CRYBG3: variants seen among roughly 807,000 people sequenced by gnomAD.
CRYBG3 encodes very large A-kinase anchor protein.
CRYBG3 carries 127 observed loss-of-function variants against 244.2 expected under a neutral mutation model. That is an observed-to-expected ratio of 0.52 (90% CI 0.45 to 0.60). The LOEUF (loss-of-function observed/expected upper bound fraction) is 0.60. CRYBG3 is among the 20% of genes least tolerant of loss of function. The pLI, the probability that CRYBG3 is intolerant of heterozygous loss-of-function variation, is 0.00. For synonymous variants in CRYBG3, 1,132 were observed against 1,195.8 expected, an observed-to-expected ratio of 0.95 and a Z score of 1.10; for missense variants, 3,325 against 3,442.5, an observed-to-expected ratio of 0.97 and a Z score of 0.85.
chr3:97,940,952 G>C (rs950789253), intron 19 of CRYBG3, among the ~76,000 whole-genome samples, 196 bp from the exon 20 acceptor site: 17 of 151,866 alleles, frequency 1.1e-4, no homozygotes, highest in Non-Finnish European at 1.9e-4. Context: ...AATAGAGACT[G>C]TACAATTTAA....
chr3:97,903,847 A>G (rs1165079176), intron 15 of CRYBG3, among the ~76,000 whole-genome samples: 1 of 152,208 alleles, frequency 6.6e-6, no homozygotes, highest in Non-Finnish European at 1.5e-5. Context: ...AAGAAATACA[A>G]TAATACATGT....
chr3:97,875,226 G>C lies in CRYBG3; in HGVS notation c.4032G>C (p.Leu1344=). The stretch of plus-strand genomic sequence containing the variant: ...TTCAGGCTAATACTTCAAAAATTCT[G>C]AACAGTGATAGTGTTAAGCCACATG... ...SELQANTSKI[L]NSDSVKPHDV... is the part of the protein sequence containing the mutation. The change falls in exon 4 of 22, where the codon CTG becomes CTC. Residue 1344 remains leucine, a synonymous_variant. Transcript: ENST00000389622. 1 of 1,531,052 alleles carries C rather than the reference G, an allele frequency of 6.5e-7. No homozygotes were observed. The highest frequency in any genetic ancestry group is 8.7e-7 in the Non-Finnish European group (1 of 1,145,098). 94.8% of individuals were successfully genotyped at this position (1,531,052 alleles called of 1,614,324 possible).
At chr3:97,878,116 A>C (rs2039404724) in intron 4 of CRYBG3, 79 bp downstream of exon 4, 1 of 1,341,976 alleles carries the variant, frequency 7.5e-7, no homozygotes, top group South Asian at 1.5e-5. Flanking sequence ...TTATTAAGAA[A>C]AGTCAATGTT....
Position 97,943,586 on chromosome 3 carries a change from G to C in CRYBG3, c.*272G>C, listed in dbSNP as rs2040283576. 2 of 379,442 alleles carry C rather than the reference G, an allele frequency of 5.3e-6. No individual in the cohort carries two copies. Among genetic ancestry groups the C allele is most frequent in the African/African-American group, 4.3e-5 (2 of 46,052 alleles). 23.5% of individuals were successfully genotyped at this position (379,442 alleles called of 1,614,324 possible). A position where few individuals can be genotyped will look rare whatever the true frequency, so the allele number is the denominator to read the frequency against. ...TCCAGCTGTGGTGAGCAAGTTTCCT[G>C]AAGTGTTTATTTTCTCTCATATCCA... On this transcript the variant is annotated 3_prime_UTR_variant, in exon 22 of 22. Transcript: ENST00000389622.
At chr3:97,860,931 T>A (rs1243664656) in intron 2 of CRYBG3, among the ~76,000 whole-genome samples, 2 of 152,126 alleles carry the variant, frequency 1.3e-5, no homozygotes, top group African/African-American at 4.8e-5. Flanking sequence ...AACTTTTGTA[T>A]CACAAGGGAC....
At chr3:97,915,765 A>G in intron 17 of CRYBG3, 29 bp downstream of exon 17, 1 of 1,554,450 alleles carries the variant, frequency 6.4e-7, no homozygotes, top group Non-Finnish European at 8.8e-7. Context: ...GCATACTTAT[A>G]AGATTCTTTT....
At chr3:97,909,237 C>T (rs1178248675) in intron 15 of CRYBG3, among the ~76,000 whole-genome samples, 3 of 147,508 alleles carry the variant, frequency 2.0e-5, no homozygotes, top group Non-Finnish European at 3.0e-5. Context: ...TGGAGTTGCT[C>T]TTCTCAAGGA....
At chr3:97,824,201 T>C (rs2038548845) in intron 1 of CRYBG3, among the ~76,000 whole-genome samples, 1 of 152,198 alleles carries the variant, frequency 6.6e-6, no homozygotes, top group Non-Finnish European at 1.5e-5. Flanking sequence ...GGAACCGCTT[T>C]ATAGTACTGA....
Position 97,943,476 on chromosome 3 carries a change from G to A in CRYBG3, c.*162G>A. ...CTCTGAGACTATCGCTCTTAACCATGGAAAAGCTCAAAATATTCTTGCCAT... is the reference window on the plus strand; with the variant it reads ...CTCTGAGACTATCGCTCTTAACCATAGAAAAGCTCAAAATATTCTTGCCAT... On this transcript the variant is annotated 3_prime_UTR_variant, in exon 22 of 22. Transcript: ENST00000389622. 1.7e-6 allele frequency: 1 copy of A among 577,458 alleles called. No homozygotes were observed. Among genetic ancestry groups the A allele is most frequent in the South Asian group, 2.2e-5 (1 of 46,200 alleles). 35.8% of individuals were successfully genotyped at this position (577,458 alleles called of 1,614,324 possible). A position where few individuals can be genotyped will look rare whatever the true frequency, so the allele number is the denominator to read the frequency against.
chr3:97,874,591 A>G lies in CRYBG3; in HGVS notation c.3397A>G (p.Thr1133Ala). The change falls in exon 4 of 22, where the codon ACT (threonine) becomes GCT (alanine). Residue 1133 changes from threonine (T) to alanine (A), a missense_variant. By Grantham distance (58) the Thr-to-Ala change is moderately conservative (BLOSUM62 0). Around this residue, in one of 4 missense-constraint regions of CRYBG3, gnomAD observed 1,526 missense variants for 1,443.2 expected, o/e 1.06. Coordinates refer to ENST00000389622, the MANE Select transcript of CRYBG3 (RefSeq NM_153605.4). ...ATTTCAGGAACATTTTGGGATTTAT[A>G]CTGGGAAGATATCCATTGATTTCCC... ...TPFQEHFGIYTGKISIDFPTA... is the reference protein window; with the variant it reads ...TPFQEHFGIYAGKISIDFPTA... 4 of 1,536,072 alleles carry G rather than the reference A, an allele frequency of 2.6e-6. No individual in the cohort carries two copies. The highest frequency in any genetic ancestry group is 1.7e-6 in the Non-Finnish European group (2 of 1,146,862).
chr3:97,853,399 C>CACA (rs1285903543), intron 2 of CRYBG3, among the ~76,000 whole-genome samples: 8 of 115,476 alleles, frequency 6.9e-5, no homozygotes, highest in Non-Finnish European at 1.1e-4. Context: ...CACACACACA[C>CACA]ATACAATACA....
intron 10 of CRYBG3, among the ~76,000 whole-genome samples, chr3:97,891,607 G>T (rs901155543): frequency 2.7e-4 from 41 of 152,250 alleles, no homozygotes; most frequent in Admixed American, 2.2e-3. Flanking sequence ...AGAACTGAGG[G>T]TCTTGCAAAT....
In CRYBG3 at chr3:97,875,739, A is replaced by G. The variant is rs2039363758; in HGVS notation, c.4545A>G (p.Thr1515=). The G allele has an allele frequency of 1.6e-6, 2 of 1,232,022 alleles. No individual in the cohort carries two copies. The highest frequency in any genetic ancestry group is 4.2e-5 in the Admixed American group (1 of 23,702). 76.3% of individuals were successfully genotyped at this position (1,232,022 alleles called of 1,614,324 possible). A position where few individuals can be genotyped will look rare whatever the true frequency, so the allele number is the denominator to read the frequency against. Residue 1515 remains threonine (T), a synonymous_variant, in exon 4 of 22, where the codon ACA becomes ACG. Transcript: ENST00000389622. ...ACTTGCCAGGACACAGTAAAAACAC[A>G]CCTCTTGCAATGTCAGATGTAGGGA... ...EKNLPGHSKN[T]PLAMSDVGKV...
At chr3:97,931,634 A>G (rs187268649) in intron 17 of CRYBG3, among the ~76,000 whole-genome samples, 1 of 152,216 alleles carries the variant, frequency 6.6e-6, no homozygotes, top group African/African-American at 2.4e-5. Context: ...CTATCTCAAC[A>G]TTAAGATATC....
At chr3:97,901,073 A>G (rs2039701870) in intron 15 of CRYBG3, among the ~76,000 whole-genome samples, 3 of 152,176 alleles carry the variant, frequency 2.0e-5, no homozygotes, top group African/African-American at 7.2e-5. Context: ...ACTCCCATTT[A>G]TAGACAATAA....
intron 7 of CRYBG3, among the ~76,000 whole-genome samples, chr3:97,885,395 T>G (rs1419443618): frequency 6.6e-6 from 1 of 152,164 alleles, no homozygotes; most frequent in Non-Finnish European, 1.5e-5. Context: ...CATTTACCTA[T>G]TAAAGCATAT....
chr3:97,846,505 T>G (rs376448363), intron 2 of CRYBG3, among the ~76,000 whole-genome samples: 14 of 152,356 alleles, frequency 9.2e-5, no homozygotes, highest in African/African-American at 3.4e-4. Context: ...ATTCAGTTTC[T>G]CCAAAAGCCT....
intron 8 of CRYBG3, among the ~76,000 whole-genome samples, chr3:97,888,059 G>A (rs974098666): frequency 1.3e-4 from 20 of 152,158 alleles, no homozygotes; most frequent in Non-Finnish European, 2.4e-4. Context: ...AAGGTGCCAC[G>A]TGTTTTAGGT....
chr3:97,941,169 A>C lies in CRYBG3; in HGVS notation c.8527A>C (p.Lys2843Gln), dbSNP rs946629818. 3.7e-6 allele frequency: 6 copies of C among 1,610,538 alleles called. No homozygotes were observed. The African/African-American group carries it at 6.7e-5, about 18-fold the overall frequency. The change falls in exon 20 of 22, where the codon AAG (lysine) becomes CAG (glutamine). Residue 2843 changes from lysine (K) to glutamine (Q), a missense_variant. Coordinates refer to ENST00000389622, the MANE Select transcript of CRYBG3 (RefSeq NM_153605.4). Reference protein sequence around the residue: ...MKQPAVYIRIKNRAQGEYLTV... With the variant: ...MKQPAVYIRIQNRAQGEYLTV... ...ATAGCCTGCAGTGTACATCAGAATA[A>C]AGAACCGTGCCCAGGGTGAATATCT...
Sources: allele counts gnomAD v4.1 joint callset (sites outside exome capture counted in the v4.1 genomes callset), GRCh38; gene constraint gnomAD v4.1.1; regional missense constraint gnomAD v4.1.1; transcripts MANE v1.5; gene names NCBI Gene and HGNC (gene_info 2026-07-23, HGNC 2026-07-21).